The following CPS1 variants were observed in gnomAD, a reference collection of about 807,000 sequenced individuals.
The protein encoded by CPS1 is carbamoyl-phosphate synthase [ammonia], mitochondrial.
CPS1 carries 109 observed loss-of-function variants against 174.6 expected under a neutral mutation model. The ratio of observed to expected loss-of-function variants is 0.62; its 90% CI spans 0.53 to 0.73. CPS1 has a LOEUF of 0.73. Among genes scored for constraint, CPS1 ranks in the 30% least tolerant of loss-of-function variants. The pLI is 0.00. For synonymous variants in CPS1, 637 were observed against 632.0 expected, an observed-to-expected ratio of 1.01 and a Z score of -0.12; for missense variants, 1,689 against 1,821.9, an observed-to-expected ratio of 0.93 and a Z score of 1.33.
intron 34 of CPS1, among the ~76,000 whole-genome samples, chr2:210,668,506 T>C (rs1701180939): frequency 6.6e-6 from 1 of 152,182 alleles, no homozygotes. Flanking sequence ...AAAGAAAATG[T>C]TTCTAGTGAA....
At chr2:210,597,307 C>T (rs868624177) in intron 13 of CPS1, among the ~76,000 whole-genome samples, 1 of 151,758 alleles carries the variant, frequency 6.6e-6, no homozygotes, top group Admixed American at 6.6e-5. Context: ...TGAGAGATGA[C>T]TCGTATTGAG....
At chr2:210,576,881 T>C (rs1185114851) in intron 3 of CPS1, among the ~76,000 whole-genome samples, 1 of 152,190 alleles carries the variant, frequency 6.6e-6, no homozygotes, top group Non-Finnish European at 1.5e-5. Flanking sequence ...TTTATGCCAG[T>C]CTAAAAGTAA....
At position 210,642,683 on chromosome 2, in the gene CPS1, GA is replaced by G; in HGVS notation, c.3141+26del. 6.3e-7 allele frequency: 1 copy of G among 1,599,486 alleles called. No homozygotes were observed. The highest frequency in any genetic ancestry group is 8.5e-7 in the Non-Finnish European group (1 of 1,171,662). ...ATCAGGAGGTAAGAAAAGAAAAACA[GA>G]AAAAAAAGAAAAAAGAAGACAGATA... On this transcript the variant is annotated intron_variant, in intron 25 of 37. Coordinates refer to ENST00000233072, the MANE Select transcript of CPS1 (RefSeq NM_001875.5).
chr2:210,556,569 G>T (rs1696919311), upstream of CPS1: 7 of 1,483,182 alleles, frequency 4.7e-6, no homozygotes, highest in Admixed American at 1.4e-4. Flanking sequence ...TGTGGCTGAA[G>T]ACATTTAATG....
chr2:210,598,393 C>A (rs930889919), intron 13 of CPS1, among the ~76,000 whole-genome samples: 4 of 151,740 alleles, frequency 2.6e-5, no homozygotes, highest in Admixed American at 2.6e-4. Context: ...GGCTAAATGT[C>A]CCACTTAAAA....
intron 18 of CPS1, among the ~76,000 whole-genome samples, chr2:210,607,222 A>C (rs1424209959): frequency 6.6e-6 from 1 of 151,932 alleles, no homozygotes; most frequent in African/African-American, 2.4e-5. Flanking sequence ...TCCTAATTGC[A>C]CTTTGCAGAT....
At chr2:210,566,365 T>C (rs1045186719) in intron 1 of CPS1, among the ~76,000 whole-genome samples, 3 of 152,094 alleles carry the variant, frequency 2.0e-5, no homozygotes, top group Admixed American at 6.5e-5. Context: ...GGGCCTAGGA[T>C]CAGTGCAAAT....
rs1400274425 is a variant in CPS1 at position 210,576,275 on chromosome 2, G to A, written c.237-71G>A. The A allele has an allele frequency of 2.2e-5, 32 of 1,472,850 alleles. No homozygotes were observed. The East Asian group carries it at 2.7e-4, about 13-fold the overall frequency. 91.2% of individuals were successfully genotyped at this position (1,472,850 alleles called of 1,614,324 possible). ...ATTTTCAAGGGTTAAATAATTCAGA[G>A]CATGTATGCAGATTATAGCTTTGTA... On this transcript the variant is annotated intron_variant, in intron 2 of 37. Transcript: ENST00000233072.
At chr2:210,543,571 TC>T (rs1217229267) in intron 1 of CPS1, among the ~76,000 whole-genome samples, 5 of 152,102 alleles carry the variant, frequency 3.3e-5, no homozygotes, top group African/African-American at 1.2e-4. Flanking sequence ...AATTTTGTTC[TC>T]CACTATTATT....
chr2:210,623,161 G>T (rs559183070), intron 21 of CPS1, among the ~76,000 whole-genome samples: 3 of 152,066 alleles, frequency 2.0e-5, no homozygotes, highest in African/African-American at 2.4e-5. Context: ...TCCTTCAATG[G>T]TCCATTTTGC....
chr2:210,641,854 T>C (rs1700236165), intron 24 of CPS1, among the ~76,000 whole-genome samples: 1 of 152,234 alleles, frequency 6.6e-6, no homozygotes, highest in Non-Finnish European at 1.5e-5. Flanking sequence ...TTCAATTCTA[T>C]GGCATCCCAG....
rs892817200 is a variant in CPS1, at chr2:210,639,190, A to G, written c.2870A>G (p.Tyr957Cys). 2 of 1,613,380 alleles carry G rather than the reference A, an allele frequency of 1.2e-6. No individual in the cohort carries two copies. Among genetic ancestry groups the G allele is most frequent in the East Asian group, 2.2e-5 (1 of 44,860 alleles). ...LAAEYPSVTNYLYVTYNGQEH... is the reference protein window; with the variant it reads ...LAAEYPSVTNCLYVTYNGQEH... ...GCAGAATACCCATCAGTAACAAACTATCTCTATGTTACCTACAATGGTCAG... is the reference window on the plus strand; with the variant it reads ...GCAGAATACCCATCAGTAACAAACTGTCTCTATGTTACCTACAATGGTCAG... Residue 957 changes from tyrosine (Y) to cysteine (C), a missense_variant, in exon 23 of 38, where the codon TAT (tyrosine) becomes TGT (cysteine). By Grantham distance (194) the Tyr-to-Cys change is radical. Coordinates refer to ENST00000233072, the MANE Select transcript of CPS1 (RefSeq NM_001875.5).
At chr2:210,656,229 C>A (rs1700700691) in intron 29 of CPS1, among the ~76,000 whole-genome samples, 1 of 152,168 alleles carries the variant, frequency 6.6e-6, no homozygotes, top group South Asian at 2.1e-4. Context: ...GCTTCCTATC[C>A]TGTTCTTAAA....
chr2:210,640,598 A>T (rs1700190644), intron 24 of CPS1, among the ~76,000 whole-genome samples: 1 of 152,232 alleles, frequency 6.6e-6, no homozygotes, highest in Admixed American at 6.5e-5. Flanking sequence ...AGTCAATTAA[A>T]TAACCACTAA....
At chr2:210,536,631 T>A (rs2106007297) in intron 1 of CPS1, among the ~76,000 whole-genome samples, 2 of 152,284 alleles carry the variant, frequency 1.3e-5, no homozygotes, top group Middle Eastern at 6.8e-3. Context: ...TGGCCGTATT[T>A]AGGTACTTCT....
intron 35 of CPS1, 33 bp from the exon 36 acceptor site, chr2:210,675,695 A>AT: frequency 1.0e-6 from 1 of 957,628 alleles, no homozygotes; most frequent in Non-Finnish European, 1.7e-6. Flanking sequence ...AATCACTGTG[A>AT]TACGGTAATT....
At chr2:210,563,180 G>A (rs1450248477) in intron 1 of CPS1, among the ~76,000 whole-genome samples, 1 of 151,958 alleles carries the variant, frequency 6.6e-6, no homozygotes, top group African/African-American at 2.4e-5. Flanking sequence ...GTTTAACCTG[G>A]CTTCAGAATG....
chr2:210,656,575 G>C lies in CPS1; in HGVS notation c.3609G>C (p.Ser1203=). The change falls in exon 30 of 38, where the codon TCG becomes TCC. Residue 1203 remains serine, a synonymous_variant. Transcript: ENST00000233072. Reference sequence around the variant, plus strand: ...ATGTTGAAGATGCAGGTGTCCACTCGGGAGATGCCACTCTGATGCTGCCCA... The same window carrying C: ...ATGTTGAAGATGCAGGTGTCCACTCCGGAGATGCCACTCTGATGCTGCCCA... ...SEHVEDAGVH[S]GDATLMLPTQ... The C allele has an allele frequency of 6.2e-7, 1 of 1,612,086 alleles. No individual in the cohort carries two copies. Among genetic ancestry groups the C allele is most frequent in the Non-Finnish European group, 8.5e-7 (1 of 1,179,736 alleles).
intron 25 of CPS1, among the ~76,000 whole-genome samples, chr2:210,645,512 A>G (rs2105905004): frequency 6.6e-6 from 1 of 152,152 alleles, no homozygotes; most frequent in South Asian, 2.1e-4. Context: ...AGTTGAGTTC[A>G]GGCCGGGGAT....
Sources: allele counts gnomAD v4.1 joint callset (sites outside exome capture counted in the v4.1 genomes callset), GRCh38; gene constraint gnomAD v4.1.1; transcripts MANE v1.5; gene names NCBI Gene and HGNC (gene_info 2026-07-23, HGNC 2026-07-21).